The following SOX5 variants were observed in gnomAD, a reference collection of about 807,000 sequenced individuals.
The protein encoded by SOX5 is SRY-box transcription factor 5, also known as transcription factor SOX-5.
In SOX5, 9 loss-of-function variants were observed where a neutral mutation model predicts 92.0. The observed-to-expected ratio is 0.10, with a 90% CI of 0.06 to 0.17. The LOEUF (loss-of-function observed/expected upper bound fraction) is 0.17. Among genes scored for constraint, SOX5 ranks in the 10% least tolerant of loss-of-function variants. The probability of loss-of-function intolerance (pLI) is 1.00; values close to 1 mark genes in which losing one functional copy is unlikely to be tolerated. For synonymous variants in SOX5, 344 were observed against 336.3 expected, an observed-to-expected ratio of 1.02 and a Z score of -0.25; for missense variants, 642 against 944.5, an observed-to-expected ratio of 0.68 and a Z score of 4.20.
At chr12:23,669,991 G>C (rs1360708548) in intron 6 of SOX5, among the ~76,000 whole-genome samples, 1 of 152,150 alleles carries the variant, frequency 6.6e-6, no homozygotes, top group Non-Finnish European at 1.5e-5. Context: ...AAGGAAAAAG[G>C]GGAACAGCTT....
intron 7 of SOX5, among the ~76,000 whole-genome samples, chr12:23,664,085 G>T (rs2083440067): frequency 6.6e-6 from 1 of 152,098 alleles, no homozygotes; most frequent in South Asian, 2.1e-4. Flanking sequence ...CTCCAGAGTT[G>T]CAATCTTCTA....
At chr12:24,529,294 G>T (rs1950972857) in intron 1 of SOX5, among the ~76,000 whole-genome samples, 2 of 152,106 alleles carry the variant, frequency 1.3e-5, no homozygotes, top group South Asian at 4.2e-4. Flanking sequence ...TACCACATCG[G>T]GTTTTTTCCC....
intron 1 of SOX5, among the ~76,000 whole-genome samples, chr12:23,907,720 A>G (rs1373975310): frequency 6.6e-6 from 1 of 150,908 alleles, no homozygotes; most frequent in African/African-American, 2.4e-5. Context: ...ATTCATGGAT[A>G]ACACTGGTCA....
At chr12:23,859,005 T>C (rs2096724523) in intron 2 of SOX5, among the ~76,000 whole-genome samples, 1 of 152,192 alleles carries the variant, frequency 6.6e-6, no homozygotes, top group Non-Finnish European at 1.5e-5. Flanking sequence ...CTTAATCCCA[T>C]CATCTTCATT....
chr12:23,551,067 A>G (rs1015689920), intron 11 of SOX5, among the ~76,000 whole-genome samples: 21 of 151,998 alleles, frequency 1.4e-4, no homozygotes, highest in Admixed American at 2.6e-4. Flanking sequence ...ACATCCCTGA[A>G]ATAAAGCTCA....
intron 11 of SOX5, among the ~76,000 whole-genome samples, chr12:23,562,341 T>G (rs866519701): frequency 6.6e-6 from 1 of 152,336 alleles, no homozygotes; most frequent in African/African-American, 2.4e-5. Flanking sequence ...TGCCAGCTTC[T>G]TAGTGATTAT....
chr12:24,480,717 T>C (rs1161144318), intron 1 of SOX5, among the ~76,000 whole-genome samples: 2 of 151,864 alleles, frequency 1.3e-5, no homozygotes, highest in Non-Finnish European at 2.9e-5. Flanking sequence ...AGATATCATC[T>C]TACCCCAGTT....
intron 2 of SOX5, among the ~76,000 whole-genome samples, chr12:23,863,427 A>G (rs1391221305): frequency 6.6e-6 from 1 of 152,184 alleles, no homozygotes; most frequent in African/African-American, 2.4e-5. Flanking sequence ...CACACAGAGA[A>G]AATGAGTTTA....
At chr12:23,607,002 T>C (rs1024589843) in intron 8 of SOX5, among the ~76,000 whole-genome samples, 1 of 152,158 alleles carries the variant, frequency 6.6e-6, no homozygotes, top group Non-Finnish European at 1.5e-5. Context: ...TTCATAAACC[T>C]GCTATTCAGT....
intron 3 of SOX5, among the ~76,000 whole-genome samples, chr12:23,839,761 T>C (rs980754767): frequency 6.6e-6 from 1 of 151,382 alleles, no homozygotes; most frequent in African/African-American, 2.4e-5. Flanking sequence ...ATTTGACAAA[T>C]TCTAACAATT....
chr12:24,365,289 C>G lies in SOX5; in HGVS notation c.-174+3274G>C, dbSNP rs1016584837. Among the ~76,000 whole-genome samples the G allele has an allele frequency of 8.6e-5, 13 of 152,040 alleles. No homozygotes were observed. In the South Asian group the frequency reaches 1.5e-3, roughly 17 times the overall value. Reference sequence around the variant, plus strand: ...GAAAAACTGTTATGCTCAAGTGAAGCAACTTAAAACTCCAGGCTGACTCCT... The same window carrying G: ...GAAAAACTGTTATGCTCAAGTGAAGGAACTTAAAACTCCAGGCTGACTCCT... On this transcript the variant is annotated intron_variant, in intron 2 of 4. Coordinates refer to the SOX5 transcript ENST00000446891.
At chr12:23,971,423 T>C (rs1012743649) in intron 4 of SOX5, among the ~76,000 whole-genome samples, 3 of 151,586 alleles carry the variant, frequency 2.0e-5, no homozygotes, top group Admixed American at 6.6e-5. Flanking sequence ...CGCCTGGCCA[T>C]CAGCTGACTC....
chr12:23,736,323 G>A (rs540727069), intron 5 of SOX5, among the ~76,000 whole-genome samples: 11 of 152,070 alleles, frequency 7.2e-5, no homozygotes, highest in Middle Eastern at 3.4e-3. Context: ...TTAGCCAGGC[G>A]TGGTGGCGGG....
At chr12:23,600,684 C>T (rs1265980809) in intron 9 of SOX5, among the ~76,000 whole-genome samples, 3 of 151,566 alleles carry the variant, frequency 2.0e-5, no homozygotes, top group Non-Finnish European at 2.9e-5. Flanking sequence ...CAACAAGCAA[C>T]AATATGCATG....
At chr12:24,089,632 C>G (rs942157206) in intron 4 of SOX5, among the ~76,000 whole-genome samples, 3 of 152,034 alleles carry the variant, frequency 2.0e-5, no homozygotes, top group Non-Finnish European at 4.4e-5. Flanking sequence ...CAGAAGTACC[C>G]TCTAGGTGAT....
At chr12:24,481,653 T>A (rs1946012301) in intron 1 of SOX5, among the ~76,000 whole-genome samples, 1 of 152,238 alleles carries the variant, frequency 6.6e-6, no homozygotes, top group Non-Finnish European at 1.5e-5. Context: ...ACACAATTCC[T>A]ATTTTTAGAA....
At chr12:23,877,263 A>G (rs907194846) in intron 2 of SOX5, among the ~76,000 whole-genome samples, 1 of 151,712 alleles carries the variant, frequency 6.6e-6, no homozygotes, top group African/African-American at 2.4e-5. Flanking sequence ...TATTGCAGTT[A>G]TGCTAATTGT....
chr12:23,950,848 C>G (rs907435966), upstream of SOX5: 3 of 1,534,470 alleles, frequency 2.0e-6, no homozygotes, highest in African/African-American at 4.1e-5. Flanking sequence ...GGCACATACA[C>G]ACAGAGAGAG....
chr12:24,054,864 C>A (rs1256916641), intron 4 of SOX5, among the ~76,000 whole-genome samples: 2 of 152,058 alleles, frequency 1.3e-5, no homozygotes, highest in Non-Finnish European at 2.9e-5. Flanking sequence ...AAAGTATCAG[C>A]AAATAATGTA....
Sources: allele counts gnomAD v4.1 joint callset (sites outside exome capture counted in the v4.1 genomes callset), GRCh38; gene constraint gnomAD v4.1.1; transcripts MANE v1.5; gene names NCBI Gene and HGNC (gene_info 2026-07-23, HGNC 2026-07-21).